TAFA5: variants seen among roughly 807,000 people sequenced by gnomAD.
TAFA5 encodes the protein TAFA chemokine like family member 5.
TAFA5 carries 6 observed loss-of-function variants against 15.3 expected under a neutral mutation model. The observed-to-expected ratio is 0.39, with a 90% CI of 0.21 to 0.77. The LOEUF (loss-of-function observed/expected upper bound fraction) is 0.77. TAFA5 is among the 30% of genes least tolerant of loss of function. TAFA5 has a pLI of 0.41. For missense variants in TAFA5, 161 were observed against 193.1 expected, an observed-to-expected ratio of 0.83 and a Z score of 0.98; for synonymous variants, 103 against 80.7, an observed-to-expected ratio of 1.28 and a Z score of -1.48.
chr22:48,518,383 C>T (rs1921488298), intron 1 of TAFA5, among the ~76,000 whole-genome samples: 1 of 152,182 alleles, frequency 6.6e-6, no homozygotes, highest in Admixed American at 6.5e-5. Flanking sequence ...CAAAGAGGTG[C>T]CCGTCCTCCC....
intron 1 of TAFA5, among the ~76,000 whole-genome samples, chr22:48,579,467 G>A (rs1343174546): frequency 1.4e-5 from 2 of 144,848 alleles, no homozygotes; most frequent in Non-Finnish European, 2.9e-5. Context: ...AGTTAAAGTG[G>A]GGGACGAGGG....
At chr22:48,626,647 C>T (rs556481356) in intron 1 of TAFA5, among the ~76,000 whole-genome samples, 15 of 152,320 alleles carry the variant, frequency 9.8e-5, no homozygotes, top group South Asian at 8.3e-4. Context: ...GTCTTTTCAT[C>T]CTCTTCACAG....
chr22:48,539,038 T>A (rs1264788823), intron 1 of TAFA5: 1 of 215,860 alleles, frequency 4.6e-6, no homozygotes, highest in Non-Finnish European at 9.5e-6. Flanking sequence ...GGGATGTGAG[T>A]TCACAGGGGG....
rs79960147 is a variant in TAFA5 at position 48,570,733 on chromosome 22, C to T, written c.113-75864C>T. ...GGTCAGGGTTTGAGAATTTACATTT[C>T]GCTTTCTACTATTAATTTGTGTACA... On this transcript the variant is annotated intron_variant, in intron 1 of 3. Transcript: ENST00000402357. 0.013 allele frequency among the ~76,000 whole-genome samples: 1,959 copies of T among 152,256 alleles called. 147 individuals are homozygous for T. In the East Asian group the frequency reaches 0.23, roughly 18 times the overall value.
intron 1 of TAFA5, among the ~76,000 whole-genome samples, chr22:48,595,215 G>A (rs1461808379): frequency 6.6e-6 from 1 of 152,196 alleles, no homozygotes; most frequent in Non-Finnish European, 1.5e-5. Context: ...ACCTACTCAG[G>A]GGATGTGCAG....
chr22:48,742,863 G>A lies in TAFA5; in HGVS notation c.391-6976G>A, dbSNP rs1237286789. On this transcript the variant is annotated intron_variant, in intron 3 of 3. Transcript: ENST00000402357. The surrounding 1 kb of genome is among the most constrained non-coding windows in gnomAD (Gnocchi z 6.2). ...TGCGATGAAGCCCAAGGGACTGACG[G>A]TGTGAGGAGGGCCCTCTGCTGCCTC... is the stretch of plus-strand genomic sequence containing the variant. 1.3e-5 allele frequency among the ~76,000 whole-genome samples: 2 copies of A among 152,192 alleles called. No individual in the cohort carries two copies. The highest frequency in any genetic ancestry group is 4.8e-5 in the African/African-American group (2 of 41,444).
At chr22:48,575,002 G>T (rs896727786) in intron 1 of TAFA5, among the ~76,000 whole-genome samples, 1 of 152,156 alleles carries the variant, frequency 6.6e-6, no homozygotes, top group Non-Finnish European at 1.5e-5. Context: ...TACACAGTAG[G>T]GGCAGGTGTG....
intron 2 of TAFA5, among the ~76,000 whole-genome samples, chr22:48,655,463 C>T (rs1421257452): frequency 6.6e-6 from 1 of 152,160 alleles, no homozygotes; most frequent in Non-Finnish European, 1.5e-5. Context: ...GTGAGGGCTG[C>T]ATTCTCCAGA....
chr22:48,723,984 G>A (rs1392754003), intron 3 of TAFA5, among the ~76,000 whole-genome samples: 2 of 152,190 alleles, frequency 1.3e-5, no homozygotes, highest in Non-Finnish European at 2.9e-5. Context: ...CTCTTCTTTG[G>A]GAAACCCCTG....
rs1006379250 is a variant in TAFA5 at position 48,490,174 on chromosome 22, A to T, written c.112+470A>T. ...CCCGGAGAGGAGCTCTTCAGGCAGG[A>T]GCCCAGCCTGGGCTCGGAGGAGCAG... On this transcript the variant is annotated intron_variant, in intron 1 of 3. Coordinates refer to ENST00000402357, the MANE Select transcript of TAFA5 (RefSeq NM_001082967.3). The surrounding 1 kb of genome is among the most constrained non-coding windows in gnomAD (Gnocchi z 5.8). Among the ~76,000 whole-genome samples, 1 of 152,070 alleles carries T rather than the reference A, an allele frequency of 6.6e-6. No homozygotes were observed. Among genetic ancestry groups the T allele is most frequent in the Non-Finnish European group, 1.5e-5 (1 of 68,012 alleles).
chr22:48,572,097 G>T (rs959112898), intron 1 of TAFA5, among the ~76,000 whole-genome samples: 1 of 152,134 alleles, frequency 6.6e-6, no homozygotes. Context: ...CACAATTACG[G>T]TTATGATTAT....
At chr22:48,581,812 A>G (rs1924054744) in intron 1 of TAFA5, among the ~76,000 whole-genome samples, 1 of 152,186 alleles carries the variant, frequency 6.6e-6, no homozygotes, top group Non-Finnish European at 1.5e-5. Flanking sequence ...TTTAAAATAC[A>G]GCCCCTTCGT....
intron 1 of TAFA5, among the ~76,000 whole-genome samples, chr22:48,626,165 G>A (rs544534102): frequency 3.3e-5 from 5 of 152,338 alleles, no homozygotes; most frequent in Admixed American, 3.3e-4. Flanking sequence ...TTCACACGCA[G>A]CTTTCTGTGT....
chr22:48,724,802 G>T (rs1026332471), intron 3 of TAFA5, among the ~76,000 whole-genome samples: 4 of 152,216 alleles, frequency 2.6e-5, no homozygotes, highest in Non-Finnish European at 4.4e-5. Flanking sequence ...TCACAGGCAG[G>T]CAGAGGTGGA....
At chr22:48,539,257 C>T (rs1322300021) in intron 1 of TAFA5, 4 of 431,478 alleles carry the variant, frequency 9.3e-6, no homozygotes, top group African/African-American at 6.1e-5. Context: ...CCAGCCAGGG[C>T]CCTGGAGAGG....
chr22:48,652,156 G>T (rs1198232471), intron 2 of TAFA5, among the ~76,000 whole-genome samples: 1 of 152,264 alleles, frequency 6.6e-6, no homozygotes, highest in African/African-American at 2.4e-5. Flanking sequence ...CCAGCTGAAG[G>T]CATGTTGTGG....
intron 2 of TAFA5, among the ~76,000 whole-genome samples, chr22:48,651,594 G>A (rs371640991): frequency 2.0e-4 from 31 of 152,322 alleles, no homozygotes; most frequent in Admixed American, 1.2e-3. Context: ...TGAGGCAGGC[G>A]TGGGACAGCA....
intron 2 of TAFA5, among the ~76,000 whole-genome samples, chr22:48,686,288 T>G (rs1928351139): frequency 6.6e-6 from 1 of 152,194 alleles, no homozygotes; most frequent in South Asian, 2.1e-4. Flanking sequence ...AGAAATTTGT[T>G]TCTCACAGCT....
intron 1 of TAFA5, among the ~76,000 whole-genome samples, chr22:48,589,537 G>A (rs912951934): frequency 6.6e-6 from 1 of 152,052 alleles, no homozygotes; most frequent in Non-Finnish European, 1.5e-5. Flanking sequence ...GTCGGTTGGA[G>A]GTCCCCAAAG....
Sources: gnomAD v4.1 joint callset for allele counts (sites outside exome capture counted in the v4.1 genomes callset) on GRCh38, gnomAD v4.1.1 for gene constraint, Gnocchi (gnomAD v3.1) non-coding constraint, MANE v1.5 for transcripts, NCBI Gene and HGNC (gene_info 2026-07-23, HGNC 2026-07-21) for gene names.